Variants in MARCHF1 observed in about 807,000 individuals in gnomAD.
MARCHF1 encodes the protein membrane associated ring-CH-type finger 1.
A neutral mutation model predicts 54.2 loss-of-function variants in MARCHF1; 40 were observed. The ratio of observed to expected loss-of-function variants is 0.74; its 90% CI spans 0.57 to 0.96. The LOEUF (loss-of-function observed/expected upper bound fraction) is 0.96. Ranked by LOEUF, MARCHF1 falls within the 40% of genes least tolerant of loss-of-function variation. The pLI is 0.00. For synonymous variants in MARCHF1, 236 were observed against 236.3 expected (o/e 1.00, Z 0.01); for missense variants, 586 against 656.5 (o/e 0.89, Z 1.17).
intron 2 of MARCHF1, among the ~76,000 whole-genome samples, chr4:164,061,591 T>G: frequency 6.8e-6 from 1 of 146,704 alleles, no homozygotes. Flanking sequence ...AAATGACGAG[T>G]TAATGGGTGC....
At position 163,932,294 on chromosome 4, in the gene MARCHF1, CTCTT is replaced by C. The variant is rs200296511; in HGVS notation, c.-39+56203_-39+56206del. Among the ~76,000 whole-genome samples, 1,036 of 152,260 alleles carry C rather than the reference CTCTT, an allele frequency of 6.8e-3. 10 individuals carry two copies. Among genetic ancestry groups the C allele is most frequent in the African/African-American group, 0.024 (980 of 41,554 alleles). ...CAATGAGATTTGCCACATTGACTGACTCTTTCTTTCACAAAATATTTCACTATAG... is the reference window on the plus strand; with the variant it reads ...CAATGAGATTTGCCACATTGACTGACTCTTTCACAAAATATTTCACTATAG... On this transcript the variant is annotated intron_variant, in intron 3 of 9. Coordinates refer to ENST00000514618, the MANE Select transcript of MARCHF1 (RefSeq NM_001394959.1).
At chr4:163,969,569 G>A (rs193219188) in intron 3 of MARCHF1, among the ~76,000 whole-genome samples, 62 of 152,174 alleles carry the variant, frequency 4.1e-4, no homozygotes, top group African/African-American at 1.4e-3. Flanking sequence ...TTTCTCAGAC[G>A]GTATGTTCAT....
intron 1 of MARCHF1, among the ~76,000 whole-genome samples, chr4:164,312,307 T>C (rs1352064743): frequency 6.8e-6 from 1 of 147,208 alleles, no homozygotes; most frequent in Non-Finnish European, 1.5e-5. Flanking sequence ...ACCTGTGAAT[T>C]ATTTTCTTTT....
chr4:164,281,457 AG>A (rs950303681), intron 1 of MARCHF1, among the ~76,000 whole-genome samples: 1 of 152,086 alleles, frequency 6.6e-6, no homozygotes, highest in East Asian at 1.9e-4. Flanking sequence ...ATGCTTTCCT[AG>A]GGGGGCTGAT....
chr4:164,345,736 C>A (rs866208789), intron 1 of MARCHF1, among the ~76,000 whole-genome samples: 65 of 151,804 alleles, frequency 4.3e-4, no homozygotes, highest in Middle Eastern at 3.4e-3. Flanking sequence ...GTTATTGGAC[C>A]TTGGCTTCCC....
chr4:163,870,071 C>T (rs539535391), intron 3 of MARCHF1, among the ~76,000 whole-genome samples: 31 of 152,124 alleles, frequency 2.0e-4, no homozygotes, highest in African/African-American at 7.2e-4. Flanking sequence ...AATTTAATTA[C>T]GAAGTCAAAA....
chr4:164,361,768 G>A (rs1371720978), intron 1 of MARCHF1, among the ~76,000 whole-genome samples: 1 of 152,068 alleles, frequency 6.6e-6, no homozygotes, highest in Admixed American at 6.6e-5. Context: ...ACTAAGGAAG[G>A]ACTTAATAAA....
intron 1 of MARCHF1, among the ~76,000 whole-genome samples, chr4:164,366,048 T>A (rs1032790557): frequency 2.0e-5 from 3 of 152,056 alleles, no homozygotes; most frequent in Non-Finnish European, 2.9e-5. Flanking sequence ...TTTTCTATTG[T>A]TATAGTAATT....
At chr4:163,827,607 G>C (rs1450853327) in intron 4 of MARCHF1, among the ~76,000 whole-genome samples, 2 of 152,106 alleles carry the variant, frequency 1.3e-5, no homozygotes, top group Non-Finnish European at 2.9e-5. Context: ...TTAGCCCAAT[G>C]CCTGTCACAT....
intron 1 of MARCHF1, among the ~76,000 whole-genome samples, chr4:164,249,482 G>A (rs761713799): frequency 2.6e-5 from 4 of 151,818 alleles, no homozygotes; most frequent in African/African-American, 4.8e-5. Context: ...CCAAAGAGTA[G>A]GCAAGAAAGA....
At chr4:164,140,514 A>G (rs1756506206) in intron 1 of MARCHF1, among the ~76,000 whole-genome samples, 1 of 152,040 alleles carries the variant, frequency 6.6e-6, no homozygotes, top group African/African-American at 2.4e-5. Context: ...CCTGTTGACT[A>G]ACTCCTCTTC....
chr4:164,312,313 C>CTTTTTCT (rs1734872918), intron 1 of MARCHF1, among the ~76,000 whole-genome samples: 1 of 112,120 alleles, frequency 8.9e-6, no homozygotes, highest in African/African-American at 3.3e-5. Context: ...GAATTATTTT[C>CTTTTTCT]TTTTTCTTTT....
intron 4 of MARCHF1, among the ~76,000 whole-genome samples, chr4:163,808,743 AT>A (rs1748299504): frequency 6.6e-6 from 1 of 151,758 alleles, no homozygotes; most frequent in Non-Finnish European, 1.5e-5. Context: ...TAATTTTTGT[AT>A]TTTTAGTAGA....
At chr4:163,639,144 T>A (rs1742462764) in intron 5 of MARCHF1, among the ~76,000 whole-genome samples, 1 of 152,176 alleles carries the variant, frequency 6.6e-6, no homozygotes, top group African/African-American at 2.4e-5. Context: ...ACTACTTAAC[T>A]GTAACTGGTT....
chr4:164,001,895 C>T (rs1370634565), intron 2 of MARCHF1, among the ~76,000 whole-genome samples: 1 of 151,878 alleles, frequency 6.6e-6, no homozygotes, highest in Non-Finnish European at 1.5e-5. Flanking sequence ...AAAATAACTA[C>T]TTAAGAGCTT....
At chr4:163,947,966 AGGTAT>A (rs1353682810) in intron 3 of MARCHF1, among the ~76,000 whole-genome samples, 1 of 152,212 alleles carries the variant, frequency 6.6e-6, no homozygotes, top group Admixed American at 6.5e-5. Flanking sequence ...AAGATTCTAA[AGGTAT>A]GCAATAATAT....
At chr4:163,903,496 A>G (rs1236796091) in intron 3 of MARCHF1, among the ~76,000 whole-genome samples, 1 of 152,226 alleles carries the variant, frequency 6.6e-6, no homozygotes, top group Admixed American at 6.5e-5. Flanking sequence ...TATGTTTTAA[A>G]TCTAAAGCTT....
intron 1 of MARCHF1, among the ~76,000 whole-genome samples, chr4:164,220,162 T>C (rs983801991): frequency 1.3e-5 from 2 of 151,380 alleles, no homozygotes; most frequent in Non-Finnish European, 3.0e-5. Flanking sequence ...ATAGCTATCA[T>C]ATTTGTGTGA....
intron 4 of MARCHF1, among the ~76,000 whole-genome samples, chr4:163,821,214 A>G (rs1748683950): frequency 6.6e-6 from 1 of 151,936 alleles, no homozygotes; most frequent in South Asian, 2.1e-4. Flanking sequence ...CTTACCCTTC[A>G]AATCTCAACA....
Sources: allele counts gnomAD v4.1 joint callset (sites outside exome capture counted in the v4.1 genomes callset), GRCh38; gene constraint gnomAD v4.1.1; transcripts MANE v1.5; gene names NCBI Gene and HGNC (gene_info 2026-07-23, HGNC 2026-07-21).